The following THRA variants were observed in gnomAD, a reference collection of about 807,000 sequenced individuals.
THRA encodes the protein thyroid hormone receptor alpha.
In THRA, 13 loss-of-function variants were observed where a neutral mutation model predicts 45.0. That is an observed-to-expected ratio of 0.29 (90% confidence interval 0.19 to 0.46). THRA has a LOEUF of 0.46. Ranked by LOEUF, THRA falls within the 20% of genes least tolerant of loss-of-function variation. THRA has a pLI of 1.00. For synonymous variants in THRA, 195 were observed against 214.0 expected (o/e 0.91, Z 0.78); for missense variants, 278 against 556.1 (o/e 0.50, Z 5.03).
chr17:40,062,385 C>T (rs1986386328), upstream of THRA: 2 of 152,108 alleles, frequency 1.3e-5, no homozygotes, highest in East Asian at 3.9e-4. Flanking sequence ...TCAGGGGTCA[C>T]CTGCCCAGCC....
intron 1 of THRA, among the ~76,000 whole-genome samples, chr17:40,066,222 G>C (rs1240555181): frequency 6.6e-6 from 1 of 152,174 alleles, no homozygotes; most frequent in African/African-American, 2.4e-5. Context: ...AGGAGACATC[G>C]AGCCCGGGGG....
downstream of THRA, chr17:40,093,455 G>A (rs1234898221): frequency 4.6e-6 from 7 of 1,509,326 alleles, no homozygotes; most frequent in South Asian, 1.3e-5. This position sits in a 1 kb window ranked among gnomAD's most constrained non-coding sequence, Gnocchi z 5.9. Context: ...CCAAGAGCAG[G>A]AGGTGCCTGA....
At chr17:40,066,255 T>C (rs911572765) in intron 1 of THRA, among the ~76,000 whole-genome samples, 7 of 152,054 alleles carry the variant, frequency 4.6e-5, no homozygotes, top group Non-Finnish European at 7.4e-5. Flanking sequence ...CTCGCTATGC[T>C]CCCCTCTAGC....
chr17:40,093,480 G>A (rs1987669836), downstream of THRA: 6 of 1,466,882 alleles, frequency 4.1e-6, no homozygotes, highest in Non-Finnish European at 4.5e-6. This position sits in a 1 kb window ranked among gnomAD's most constrained non-coding sequence, Gnocchi z 5.9. Context: ...TGGGAGCGTG[G>A]GCTCAGCAGG....
At chr17:40,070,528 G>A (rs139040991) in intron 1 of THRA, among the ~76,000 whole-genome samples, 21 of 152,304 alleles carry the variant, frequency 1.4e-4, no homozygotes, top group South Asian at 4.1e-4. Context: ...TGTGGTGCCC[G>A]TGTTGGCATG....
chr17:40,093,546 G>A (rs1348415171), downstream of THRA: 3 of 1,139,424 alleles, frequency 2.6e-6, no homozygotes, highest in Middle Eastern at 3.0e-4. This position sits in a 1 kb window ranked among gnomAD's most constrained non-coding sequence, Gnocchi z 5.9. Context: ...GGCCAAACAT[G>A]GCCAGACTCC....
At chr17:40,074,636 T>G in intron 2 of THRA, 95 bp downstream of exon 2, 2 of 1,374,948 alleles carry the variant, frequency 1.5e-6, no homozygotes, top group Non-Finnish European at 2.1e-6. Context: ...TAAGCACCTC[T>G]GTGGGATGGA....
chr17:40,071,190 C>G (rs1316608208), intron 1 of THRA, among the ~76,000 whole-genome samples: 1 of 152,168 alleles, frequency 6.6e-6, no homozygotes, highest in Non-Finnish European at 1.5e-5. Flanking sequence ...TTCTTCAGAG[C>G]ACTAAGGACA....
chr17:40,069,489 C>T (rs1174697952), intron 1 of THRA, among the ~76,000 whole-genome samples: 1 of 151,882 alleles, frequency 6.6e-6, no homozygotes, highest in Non-Finnish European at 1.5e-5. Flanking sequence ...GGACCCCAAG[C>T]CTTGTGCCCA....
chr17:40,077,013 G>C (rs946061110), intron 3 of THRA, 75 bp downstream of exon 3: 1 of 1,462,986 alleles, frequency 6.8e-7, no homozygotes, highest in African/African-American at 1.4e-5. Context: ...TCTGGACCTG[G>C]ATGTGGAACA....
At chr17:40,075,219 A>G (rs1220466009) in intron 2 of THRA, among the ~76,000 whole-genome samples, 1 of 150,310 alleles carries the variant, frequency 6.7e-6, no homozygotes, top group Non-Finnish European at 1.5e-5. Context: ...CTTTTCTATC[A>G]GCTCCAAGTG....
rs532129093 is a variant in THRA, at chr17:40,090,030, G to C, written c.*574G>C. On this transcript the variant is annotated 3_prime_UTR_variant, in exon 9 of 9. Coordinates refer to ENST00000450525, the MANE Select transcript of THRA (RefSeq NM_199334.5). The stretch of plus-strand genomic sequence containing the variant: ...GGAGAAGACAAATGAAGAAAAACTA[G>C]ACAGAGAGAAAAATACAAAAAAGAG... The C allele has an allele frequency of 8.1e-6, 8 of 987,694 alleles. No individual in the cohort carries two copies. The East Asian group carries it at 8.9e-4, about 110-fold the overall frequency. The allele number at this position is 987,694 out of a possible 1,614,324, so 61.2% of individuals were successfully genotyped here.
chr17:40,083,059 C>T (rs1326803966), intron 4 of THRA, among the ~76,000 whole-genome samples: 2 of 151,754 alleles, frequency 1.3e-5, no homozygotes, highest in African/African-American at 4.8e-5. Context: ...TCCCGAGTAG[C>T]TGGGACTACA....
At chr17:40,080,257 C>G (rs938650980) in intron 4 of THRA, among the ~76,000 whole-genome samples, 2 of 151,800 alleles carry the variant, frequency 1.3e-5, no homozygotes, top group African/African-American at 2.4e-5. Context: ...TTAAAGTAGC[C>G]AGGCATGGTG....
intron 1 of THRA, among the ~76,000 whole-genome samples, chr17:40,066,669 A>G (rs1175238577): frequency 7.7e-6 from 1 of 130,184 alleles, no homozygotes; most frequent in Non-Finnish European, 1.6e-5. Context: ...GTCTCAAAAA[A>G]AAAAAAAAAA....
At chr17:40,084,861 G>T (rs770942477) in intron 6 of THRA, 46 bp downstream of exon 6, 1 of 1,603,568 alleles carries the variant, frequency 6.2e-7, no homozygotes, top group Non-Finnish European at 8.5e-7. Flanking sequence ...AGGTGGCAGG[G>T]AGAAGAGAGT....
rs541528732 is a variant in THRA at position 40,075,948 on chromosome 17, G to A, written c.54-923G>A. ...TGTCAGTGTGTTGGGAGCTGCATCC[G>A]GCTCCAGGAGGAAGGGGCCTGCAAC... On this transcript the variant is annotated intron_variant, in intron 2 of 8. Coordinates refer to ENST00000450525, the MANE Select transcript of THRA (RefSeq NM_199334.5). 1.1e-4 allele frequency among the ~76,000 whole-genome samples: 16 copies of A among 152,336 alleles called. No individual in the cohort carries two copies. In the East Asian group the frequency reaches 1.7e-3, roughly 17 times the overall value.
intron 7 of THRA, among the ~76,000 whole-genome samples, chr17:40,087,374 A>G (rs928512435): frequency 1.5e-5 from 2 of 130,030 alleles, no homozygotes; most frequent in Non-Finnish European, 3.3e-5. Flanking sequence ...ACACACACCT[A>G]GCACACAGAC....
chr17:40,064,964 A>T (rs1448343954), intron 1 of THRA, among the ~76,000 whole-genome samples: 1 of 152,204 alleles, frequency 6.6e-6, no homozygotes, highest in African/African-American at 2.4e-5. Context: ...ACACACTTAG[A>T]TGCACACAAT....
Sources: gnomAD v4.1 joint callset for allele counts (sites outside exome capture counted in the v4.1 genomes callset) on GRCh38, gnomAD v4.1.1 for gene constraint, Gnocchi (gnomAD v3.1) non-coding constraint, MANE v1.5 for transcripts, NCBI Gene and HGNC (gene_info 2026-07-23, HGNC 2026-07-21) for gene names.